The following SAMD5 variants were observed in gnomAD, a reference collection of about 807,000 sequenced individuals.
SAMD5 encodes sterile alpha motif domain-containing protein 5.
A neutral mutation model predicts 11.3 loss-of-function variants in SAMD5; 13 were observed. The observed-to-expected ratio is 1.15, with a 90% CI of 0.75 to 1.83. SAMD5 has a LOEUF of 1.83. Among genes scored for constraint, SAMD5 ranks in the 40% most tolerant of loss-of-function variants. The pLI, the probability that SAMD5 is intolerant of heterozygous loss-of-function variation, is 0.00. For synonymous variants in SAMD5, 129 were observed against 111.3 expected (o/e 1.16, Z -1.00); for missense variants, 255 against 239.1 (o/e 1.07, Z -0.44).
chr6:147,875,097 A>C, the SAMD5 span, among the ~76,000 whole-genome samples: 1 of 152,202 alleles, frequency 6.6e-6, no homozygotes, highest in Non-Finnish European at 1.5e-5. Flanking sequence ...TTCTTCATTT[A>C]AAATAATAAT....
the SAMD5 span, among the ~76,000 whole-genome samples, chr6:147,782,796 C>T: frequency 9.9e-5 from 15 of 152,126 alleles, no homozygotes; most frequent in Non-Finnish European, 2.2e-4. Flanking sequence ...AATCTTGATC[C>T]ACAAAATGGT....
chr6:147,628,880 A>G (rs1192031781), intron 1 of SAMD5, among the ~76,000 whole-genome samples: 2 of 152,174 alleles, frequency 1.3e-5, no homozygotes, highest in East Asian at 1.9e-4. Flanking sequence ...AGTGCTCATT[A>G]TCACATTCAT....
At chr6:147,859,719 A>G in the SAMD5 span, among the ~76,000 whole-genome samples, 2 of 151,950 alleles carry the variant, frequency 1.3e-5, no homozygotes, top group Non-Finnish European at 2.9e-5. Flanking sequence ...AACCTAATGA[A>G]GCGTACAGTT....
At chr6:147,940,950 A>G in the SAMD5 span, among the ~76,000 whole-genome samples, 8 of 152,122 alleles carry the variant, frequency 5.3e-5, no homozygotes. Context: ...CAACAGAGTG[A>G]GACTTCATCT....
chr6:147,640,497 C>CAAAAAA (rs1172694444), intron 1 of SAMD5, among the ~76,000 whole-genome samples: 475 of 24,180 alleles, frequency 0.02, 102 homozygotes, highest in East Asian at 0.075. Context: ...GACTCTGTCG[C>CAAAAAA]AAAAAAAAAA....
At chr6:147,877,945 A>AGAGTCC in the SAMD5 span, among the ~76,000 whole-genome samples, 1 of 67,758 alleles carries the variant, frequency 1.5e-5, no homozygotes, top group Non-Finnish European at 2.8e-5. Context: ...ATAGATAGAT[A>AGAGTCC]GACTCTGTCA....
intron 1 of SAMD5, among the ~76,000 whole-genome samples, chr6:147,533,803 T>C (rs1466897868): frequency 6.6e-6 from 1 of 152,194 alleles, no homozygotes; most frequent in African/African-American, 2.4e-5. Context: ...AATTCCTTTT[T>C]TCTTGGGGGA....
At chr6:147,766,918 TG>T in the SAMD5 span, among the ~76,000 whole-genome samples, 1 of 152,164 alleles carries the variant, frequency 6.6e-6, no homozygotes. Flanking sequence ...ATTGACATAT[TG>T]GGAGAAAGTA....
At chr6:147,876,020 G>T in the SAMD5 span, among the ~76,000 whole-genome samples, 1 of 152,158 alleles carries the variant, frequency 6.6e-6, no homozygotes, top group Non-Finnish European at 1.5e-5. Context: ...CATGAAACCA[G>T]TCCCTGGGTG....
chr6:147,648,459 G>A (rs1790436286), intron 1 of SAMD5, among the ~76,000 whole-genome samples: 1 of 152,134 alleles, frequency 6.6e-6, no homozygotes, highest in Admixed American at 6.6e-5. Context: ...CTGAGACGTT[G>A]GGTGGAAACA....
the SAMD5 span, among the ~76,000 whole-genome samples, chr6:147,881,484 A>G: frequency 1.3e-5 from 2 of 152,128 alleles, no homozygotes; most frequent in South Asian, 2.1e-4. Flanking sequence ...TGGAGCATCA[A>G]AAGTCCAAAA....
chr6:147,843,600 A>G, the SAMD5 span, among the ~76,000 whole-genome samples: 1 of 152,238 alleles, frequency 6.6e-6, no homozygotes, highest in Non-Finnish European at 1.5e-5. Flanking sequence ...AACATATTAC[A>G]AAGCTATGGC....
chr6:147,841,105 C>T, the SAMD5 span, among the ~76,000 whole-genome samples: 1 of 152,292 alleles, frequency 6.6e-6, no homozygotes, highest in South Asian at 2.1e-4. Flanking sequence ...TACTCCTCAT[C>T]AGAATTTAAG....
At chr6:147,836,676 G>A in the SAMD5 span, among the ~76,000 whole-genome samples, 1 of 152,144 alleles carries the variant, frequency 6.6e-6, no homozygotes, top group African/African-American at 2.4e-5. Flanking sequence ...TAGTAAAGTT[G>A]AAAAAGCATT....
Position 147,546,698 on chromosome 6 carries a change from T to C in SAMD5, c.460-17696T>C, listed in dbSNP as rs190798752. Among the ~76,000 whole-genome samples, 28 of 152,284 alleles carry C rather than the reference T, an allele frequency of 1.8e-4. No individual in the cohort carries two copies. The East Asian group carries it at 3.3e-3, about 18-fold the overall frequency. ...AAGAGGAAAATCAAATGGCATTAGA[T>C]GAATACAGAGTTTTGTCTGCTGTAG... On this transcript the variant is annotated intron_variant, in intron 1 of 1. Coordinates refer to ENST00000367474, the MANE Select transcript of SAMD5 (RefSeq NM_001030060.3).
chr6:147,816,957 G>A, the SAMD5 span, among the ~76,000 whole-genome samples: 524 of 152,164 alleles, frequency 3.4e-3, 2 homozygotes, highest in African/African-American at 0.012. Flanking sequence ...AAAAAAAACA[G>A]GCAAAGATAC....
At chr6:147,680,402 T>G (rs913338188) in intron 1 of SAMD5, among the ~76,000 whole-genome samples, 11 of 152,226 alleles carry the variant, frequency 7.2e-5, no homozygotes, top group Non-Finnish European at 1.2e-4. Flanking sequence ...CACATATTAG[T>G]TCTGGTAAAC....
chr6:147,899,339 A>G, the SAMD5 span, among the ~76,000 whole-genome samples: 2 of 152,076 alleles, frequency 1.3e-5, no homozygotes, highest in African/African-American at 4.8e-5. Context: ...GGGGCTAAGG[A>G]CCAGCTGGAG....
At chr6:147,867,618 G>C in the SAMD5 span, among the ~76,000 whole-genome samples, 1 of 152,140 alleles carries the variant, frequency 6.6e-6, no homozygotes, top group Non-Finnish European at 1.5e-5. Context: ...CCGAGGCCAA[G>C]GGGTCTCCTT....
Sources: allele counts gnomAD v4.1 joint callset (sites outside exome capture counted in the v4.1 genomes callset), GRCh38; gene constraint gnomAD v4.1.1; transcripts MANE v1.5; gene names NCBI Gene and HGNC (gene_info 2026-07-23, HGNC 2026-07-21).